Variants in VPS13B observed in about 807,000 individuals in gnomAD.
VPS13B encodes intermembrane lipid transfer protein VPS13B.
Under a neutral mutation model 426.4 loss-of-function variants are expected in VPS13B, and 285 were observed. The observed-to-expected ratio is 0.67, with a 90% CI of 0.61 to 0.74. The LOEUF is 0.74. Ranked by LOEUF, VPS13B falls within the 30% of genes least tolerant of loss-of-function variation. The pLI, the probability that VPS13B is intolerant of heterozygous loss-of-function variation, is 0.00. For missense variants in VPS13B, 4,537 were observed against 4,782.6 expected, an observed-to-expected ratio of 0.95 and a Z score of 1.51; for synonymous variants, 1,676 against 1,676.4, an observed-to-expected ratio of 1.00 and a Z score of 0.01.
chr8:99,289,062 T>TGAATGAAA (rs1384234294), intron 19 of VPS13B, among the ~76,000 whole-genome samples: 8,101 of 148,732 alleles, frequency 0.054, 315 homozygotes, highest in Non-Finnish European at 0.085. Flanking sequence ...AATGAATGAA[T>TGAATGAAA]GAAAGAAGGA....
intron 24 of VPS13B, among the ~76,000 whole-genome samples, chr8:99,476,572 A>G (rs2133541084): frequency 6.6e-6 from 1 of 152,304 alleles, no homozygotes; most frequent in East Asian, 1.9e-4. Context: ...TGAATATATC[A>G]CAAGAAAATA....
chr8:99,715,193 G>A (rs1044592445), intron 36 of VPS13B, among the ~76,000 whole-genome samples: 3 of 151,828 alleles, frequency 2.0e-5, no homozygotes, highest in African/African-American at 7.3e-5. Context: ...AACCAAAGAT[G>A]TAAGCAGTTT....
At chr8:99,047,228 G>A (rs1036608004) in intron 3 of VPS13B, among the ~76,000 whole-genome samples, 1 of 152,066 alleles carries the variant, frequency 6.6e-6, no homozygotes, top group Non-Finnish European at 1.5e-5. Flanking sequence ...TCTGTCCAGG[G>A]TATCAAATTC....
chr8:99,843,613 T>A (rs1183239356), intron 54 of VPS13B, among the ~76,000 whole-genome samples: 1 of 152,172 alleles, frequency 6.6e-6, no homozygotes, highest in African/African-American at 2.4e-5. Flanking sequence ...ATGAGAGACA[T>A]ACGGCAGTCT....
intron 21 of VPS13B, among the ~76,000 whole-genome samples, chr8:99,413,944 T>A (rs1416620901): frequency 6.6e-6 from 1 of 152,196 alleles, no homozygotes; most frequent in East Asian, 1.9e-4. Flanking sequence ...CTATTAGGTC[T>A]GCTTGGTCCA....
intron 44 of VPS13B, among the ~76,000 whole-genome samples, chr8:99,816,080 C>CG (rs987533520): frequency 5.9e-5 from 9 of 151,580 alleles, no homozygotes; most frequent in African/African-American, 2.2e-4. Flanking sequence ...TCTACCAGGC[C>CG]CCCCATTTGT....
chr8:99,524,272 G>A (rs917962483), intron 30 of VPS13B, among the ~76,000 whole-genome samples: 1 of 152,156 alleles, frequency 6.6e-6, no homozygotes, highest in African/African-American at 2.4e-5. Context: ...AGAGTTATTG[G>A]CCTTAAAGAC....
intron 19 of VPS13B, among the ~76,000 whole-genome samples, chr8:99,313,230 G>T (rs1821112122): frequency 6.6e-6 from 1 of 152,192 alleles, no homozygotes; most frequent in African/African-American, 2.4e-5. Flanking sequence ...TTCCTTTGGA[G>T]GGGGAGAAGC....
chr8:99,544,125 A>G (rs542807868), intron 30 of VPS13B, among the ~76,000 whole-genome samples: 1 of 151,916 alleles, frequency 6.6e-6, no homozygotes, highest in South Asian at 2.1e-4. Context: ...ATGGAATACT[A>G]TGCAGCCATA....
intron 16 of VPS13B, 30 bp downstream of exon 16, chr8:99,170,193 T>C (rs376428570): frequency 4.0e-5 from 65 of 1,609,756 alleles, no homozygotes; most frequent in Non-Finnish European, 5.0e-5. Flanking sequence ...ATGTGATTTA[T>C]GTTAATTTCC....
intron 8 of VPS13B, among the ~76,000 whole-genome samples, chr8:99,129,552 G>T (rs1426152495): frequency 1.7e-5 from 2 of 119,992 alleles, no homozygotes; most frequent in African/African-American, 3.3e-5. Flanking sequence ...GGGTGACCAA[G>T]CAAGACTGTG....
chr8:99,300,151 G>A lies in VPS13B; in HGVS notation c.2824+24897G>A, dbSNP rs554751434. On this transcript the variant is annotated intron_variant, in intron 19 of 61. Transcript: ENST00000357162. The stretch of plus-strand genomic sequence containing the variant: ...TATTTAGACTTATTTAAGCAAACTT[G>A]TGTGTGTGTTTGTGTGTACACCAGG... 1.3e-4 allele frequency among the ~76,000 whole-genome samples: 20 copies of A among 152,204 alleles called. No homozygotes were observed. The South Asian group carries it at 4.2e-3, about 32-fold the overall frequency.
chr8:99,152,874 T>C (rs1242705775), intron 14 of VPS13B, among the ~76,000 whole-genome samples: 1 of 152,236 alleles, frequency 6.6e-6, no homozygotes, highest in Non-Finnish European at 1.5e-5. Flanking sequence ...TACAAGTGTC[T>C]ACATATTTAA....
intron 3 of VPS13B, among the ~76,000 whole-genome samples, chr8:99,054,525 T>G (rs957432601): frequency 6.6e-6 from 1 of 152,254 alleles, no homozygotes; most frequent in African/African-American, 2.4e-5. Context: ...GTCACATTCT[T>G]GAGAATGTAT....
At chr8:99,046,280 G>T (rs1345638502) in intron 3 of VPS13B, among the ~76,000 whole-genome samples, 1 of 152,072 alleles carries the variant, frequency 6.6e-6, no homozygotes, top group Non-Finnish European at 1.5e-5. Context: ...ATATTCCTAA[G>T]TATTTTATTT....
intron 30 of VPS13B, among the ~76,000 whole-genome samples, chr8:99,552,761 C>A (rs1824349909): frequency 6.6e-6 from 1 of 151,976 alleles, no homozygotes; most frequent in African/African-American, 2.4e-5. Context: ...ACCCAGTTTC[C>A]CTCAATGGAA....
chr8:99,803,230 A>G (rs868415226), intron 43 of VPS13B, among the ~76,000 whole-genome samples: 2 of 152,196 alleles, frequency 1.3e-5, no homozygotes, highest in African/African-American at 4.8e-5. Flanking sequence ...TTTTATTCCA[A>G]CCAGCTTTTT....
chr8:99,558,099 T>A (rs898521084), intron 31 of VPS13B, among the ~76,000 whole-genome samples: 2 of 152,150 alleles, frequency 1.3e-5, no homozygotes, highest in African/African-American at 4.8e-5. Flanking sequence ...TTTGTCCATG[T>A]CTTGGCAATA....
At chr8:99,334,950 T>C (rs1428666653) in intron 19 of VPS13B, among the ~76,000 whole-genome samples, 1 of 152,144 alleles carries the variant, frequency 6.6e-6, no homozygotes, top group Admixed American at 6.6e-5. Context: ...CTCCTTCTTA[T>C]ACCTCGGTAG....
Sources: allele counts gnomAD v4.1 joint callset (sites outside exome capture counted in the v4.1 genomes callset), GRCh38; gene constraint gnomAD v4.1.1; transcripts MANE v1.5; gene names NCBI Gene and HGNC (gene_info 2026-07-23, HGNC 2026-07-21).